The following LRBA variants were observed in gnomAD, a reference collection of about 807,000 sequenced individuals.
LRBA encodes lipopolysaccharide-responsive and beige-like anchor protein.
LRBA carries 176 observed loss-of-function variants against 330.0 expected under a neutral mutation model. The ratio of observed to expected loss-of-function variants is 0.53; its 90% confidence interval spans 0.47 to 0.60. The LOEUF (loss-of-function observed/expected upper bound fraction) is 0.60, where lower values mean the gene tolerates loss of function less well. Ranked by LOEUF, LRBA falls within the 20% of genes least tolerant of loss-of-function variation. The probability of loss-of-function intolerance (pLI) is 0.00; values close to 1 mark genes in which losing one functional copy is unlikely to be tolerated. For synonymous variants in LRBA, 1,230 were observed against 1,193.0 expected, an observed-to-expected ratio of 1.03 and a Z score of -0.64; for missense variants, 3,259 against 3,444.8, an observed-to-expected ratio of 0.95 and a Z score of 1.35.
intron 55 of LRBA, 85 bp from the exon 56 acceptor site, chr4:150,278,089 G>A (rs573724315): frequency 8.6e-7 from 1 of 1,160,734 alleles, no homozygotes. Flanking sequence ...TCTTACACCA[G>A]CTACTACGGT....
intron 48 of LRBA, among the ~76,000 whole-genome samples, chr4:150,329,237 C>A (rs1484207307): frequency 6.6e-6 from 1 of 152,158 alleles, no homozygotes; most frequent in African/African-American, 2.4e-5. Flanking sequence ...TCTTAACGAA[C>A]CTTTCAGTTC....
intron 42 of LRBA, among the ~76,000 whole-genome samples, chr4:150,481,389 T>A (rs1757280312): frequency 6.6e-6 from 1 of 152,134 alleles, no homozygotes; most frequent in Non-Finnish European, 1.5e-5. Flanking sequence ...GGGAGCACTA[T>A]TTGTGGTTTC....
intron 38 of LRBA, among the ~76,000 whole-genome samples, chr4:150,592,597 ATTAC>A (rs1020369998): frequency 3.3e-5 from 5 of 152,100 alleles, no homozygotes; most frequent in African/African-American, 1.2e-4. Flanking sequence ...GTTTGAAAAG[ATTAC>A]TTTAGTGTAT....
At chr4:150,808,625 C>G (rs1313731168) in intron 31 of LRBA, among the ~76,000 whole-genome samples, 2 of 152,184 alleles carry the variant, frequency 1.3e-5, no homozygotes, top group African/African-American at 4.8e-5. Flanking sequence ...TATCCATGAG[C>G]TGAAGAAGCA....
intron 37 of LRBA, among the ~76,000 whole-genome samples, chr4:150,645,220 G>GA (rs1299524187): frequency 1.4e-5 from 2 of 143,256 alleles, no homozygotes; most frequent in African/African-American, 5.2e-5. Context: ...TTTTTTCTGA[G>GA]AAAAAAATAA....
chr4:150,916,647 T>C lies in LRBA; in HGVS notation c.737A>G (p.Asn246Ser), dbSNP rs753938783. The C allele has an allele frequency of 2.9e-5, 47 of 1,599,272 alleles. No individual in the cohort carries two copies. Among genetic ancestry groups the C allele is most frequent in the Non-Finnish European group, 3.9e-5 (46 of 1,174,078 alleles). The change falls in exon 6 of 57, where the codon AAT becomes AGT. Residue 246 changes from asparagine (N) to serine (S), a missense_variant. Coordinates refer to ENST00000651943, the MANE Select transcript of LRBA (RefSeq NM_001364905.1). ...WLRMDPVNNI[N>S]VDKDKPYLYC... Reference sequence around the variant, plus strand: ...CAAATATGGTTTATCCTTATCTACATTGATGTTATTTACAGGATCCATTCT... The same window carrying C: ...CAAATATGGTTTATCCTTATCTACACTGATGTTATTTACAGGATCCATTCT...
chr4:150,956,069 A>G (rs1737519776), intron 2 of LRBA, among the ~76,000 whole-genome samples: 2 of 149,142 alleles, frequency 1.3e-5, no homozygotes, highest in Admixed American at 6.6e-5. Context: ...AATAAAATCA[A>G]TACAACCTGG....
intron 2 of LRBA, among the ~76,000 whole-genome samples, chr4:150,948,461 C>G (rs1401117200): frequency 2.0e-5 from 3 of 151,978 alleles, no homozygotes; most frequent in African/African-American, 7.2e-5. Context: ...TACACAAAAA[C>G]TAACTCAATA....
intron 17 of LRBA, among the ~76,000 whole-genome samples, chr4:150,877,404 T>C (rs1485673668): frequency 6.6e-6 from 1 of 151,922 alleles, no homozygotes; most frequent in Non-Finnish European, 1.5e-5. Context: ...AAACAAACGA[T>C]AAACTATCAA....
chr4:150,654,936 T>G (rs948425951), intron 37 of LRBA, among the ~76,000 whole-genome samples: 1 of 152,190 alleles, frequency 6.6e-6, no homozygotes, highest in African/African-American at 2.4e-5. Flanking sequence ...CTTAATCCAG[T>G]CTATCATTGT....
At chr4:150,765,592 T>G (rs1246878816) in intron 34 of LRBA, among the ~76,000 whole-genome samples, 1 of 152,122 alleles carries the variant, frequency 6.6e-6, no homozygotes, top group Admixed American at 6.5e-5. Flanking sequence ...CTTTTAAAAA[T>G]TAGTAATAAA....
intron 2 of LRBA, among the ~76,000 whole-genome samples, chr4:150,978,870 T>C (rs1205880508): frequency 3.9e-5 from 6 of 151,940 alleles, no homozygotes; most frequent in Non-Finnish European, 7.4e-5. Context: ...TACAAAAGAA[T>C]GAAGCATGCC....
At chr4:150,841,425 C>T (rs972063580) in intron 28 of LRBA, among the ~76,000 whole-genome samples, 3 of 152,004 alleles carry the variant, frequency 2.0e-5, no homozygotes, top group Non-Finnish European at 2.9e-5. Flanking sequence ...GAATACTTAC[C>T]GTAGGCCAGG....
chr4:150,330,096 G>T (rs1388861404), intron 48 of LRBA, among the ~76,000 whole-genome samples: 1 of 152,074 alleles, frequency 6.6e-6, no homozygotes, highest in African/African-American at 2.4e-5. Context: ...AAAAGCTAAT[G>T]CCAGGCATTG....
intron 37 of LRBA, among the ~76,000 whole-genome samples, chr4:150,671,000 ATGTGTGTG>A (rs57937053): frequency 1.6e-4 from 17 of 106,884 alleles, no homozygotes; most frequent in East Asian, 1.0e-3. Flanking sequence ...AACATAGCTG[ATGTGTGTG>A]TGTGTGTGTG....
chr4:150,440,034 C>T (rs1402164777), intron 44 of LRBA, among the ~76,000 whole-genome samples: 1 of 152,140 alleles, frequency 6.6e-6, no homozygotes, highest in African/African-American at 2.4e-5. Flanking sequence ...GACGGATCCT[C>T]TTACTTATAT....
chr4:150,960,949 C>G (rs1051577725), intron 2 of LRBA, among the ~76,000 whole-genome samples: 1 of 149,316 alleles, frequency 6.7e-6, no homozygotes, highest in South Asian at 2.1e-4. Context: ...TAACTAACCT[C>G]CATATGTAAG....
chr4:150,899,635 CTCTT>C (rs1450341623), intron 14 of LRBA, among the ~76,000 whole-genome samples: 1 of 152,196 alleles, frequency 6.6e-6, no homozygotes, highest in Non-Finnish European at 1.5e-5. Context: ...ATTTCATTAT[CTCTT>C]TAAGAGAAGC....
chr4:150,787,865 A>C (rs918801592), intron 34 of LRBA, among the ~76,000 whole-genome samples: 2 of 152,184 alleles, frequency 1.3e-5, no homozygotes, highest in Non-Finnish European at 2.9e-5. Flanking sequence ...TGTTGCTTCC[A>C]AATTTTGCCT....
Sources: allele counts gnomAD v4.1 joint callset (sites outside exome capture counted in the v4.1 genomes callset), GRCh38; gene constraint gnomAD v4.1.1; transcripts MANE v1.5; gene names NCBI Gene and HGNC (gene_info 2026-07-23, HGNC 2026-07-21).